The following TRIO variants were observed in gnomAD, a reference collection of about 807,000 sequenced individuals.
TRIO encodes triple functional domain protein.
Under a neutral mutation model 351.9 loss-of-function variants are expected in TRIO, and 58 were observed. That is an observed-to-expected ratio of 0.16 (90% confidence interval 0.13 to 0.21). The LOEUF is 0.21. TRIO is among the 10% of genes least tolerant of loss of function. The probability of loss-of-function intolerance (pLI) is 1.00; values close to 1 mark genes in which losing one functional copy is unlikely to be tolerated. For synonymous variants in TRIO, 1,758 were observed against 1,595.7 expected, an observed-to-expected ratio of 1.10 and a Z score of -2.42; for missense variants, 3,201 against 4,027.8, an observed-to-expected ratio of 0.79 and a Z score of 5.56.
At chr5:14,462,976 G>A (rs1008284970) in intron 36 of TRIO, 51 bp downstream of exon 36, 1 of 1,503,084 alleles carries the variant, frequency 6.7e-7, no homozygotes, top group Non-Finnish European at 8.9e-7. Context: ...CAGGGGCAGG[G>A]CACGCTCGGT....
chr5:14,378,251 C>G, intron 20 of TRIO, 124 bp downstream of exon 20: 1 of 650,464 alleles, frequency 1.5e-6, no homozygotes, highest in Admixed American at 2.8e-5. Context: ...AACAGTATAG[C>G]CTTCTAGTTA....
intron 10 of TRIO, among the ~76,000 whole-genome samples, chr5:14,334,681 G>C (rs1448239173): frequency 2.0e-5 from 3 of 152,226 alleles, no homozygotes; most frequent in African/African-American, 7.2e-5. Flanking sequence ...GCTTCATTCA[G>C]CATGGAGGCC....
At chr5:14,416,372 T>A (rs534985862) in intron 33 of TRIO, among the ~76,000 whole-genome samples, 3 of 151,910 alleles carry the variant, frequency 2.0e-5, no homozygotes, top group Admixed American at 6.6e-5. Context: ...AATGTGAGCA[T>A]TGAGGTGCAT....
At chr5:14,481,774 T>A in intron 45 of TRIO, 156 bp downstream of exon 45, 1 of 228,346 alleles carries the variant, frequency 4.4e-6, no homozygotes, top group Non-Finnish European at 7.2e-6. Context: ...TTATTTCCTT[T>A]TTTTTTTTTT....
At chr5:14,183,788 C>T (rs371162121) in intron 1 of TRIO, 127 of 579,090 alleles carry the variant, frequency 2.2e-4, no homozygotes, top group African/African-American at 2.0e-3. Flanking sequence ...CTGGCTGCTC[C>T]TCACTGCCCA....
In TRIO at chr5:14,359,414, G is replaced by A. The variant is rs760427219; in HGVS notation, c.2274G>A (p.Glu758=). The part of the protein sequence containing the change: ...TPHNSSINHI[E]TVLQQLDEAQ... ...ACAACAGCTCCATCAACCACATTGA[G>A]ACGGTGCTGCAGCAGCTGGACGAGG... The change falls in exon 13 of 57, where the codon GAG becomes GAA. Residue 758 remains glutamate (E), a synonymous_variant. Transcript: ENST00000344204. The A allele has an allele frequency of 4.3e-6, 7 of 1,614,154 alleles. No homozygotes were observed. The East Asian group carries it at 1.3e-4, about 31-fold the overall frequency.
At chr5:14,479,870 C>T (rs1295525996) in intron 42 of TRIO, 49 bp from the exon 43 acceptor site, 3 of 1,551,588 alleles carry the variant, frequency 1.9e-6, no homozygotes, top group East Asian at 4.5e-5. Flanking sequence ...TAAAAAATTG[C>T]CCTTTAATGA....
At chr5:14,273,604 C>T (rs1025698887) in intron 2 of TRIO, among the ~76,000 whole-genome samples, 4 of 152,186 alleles carry the variant, frequency 2.6e-5, no homozygotes, top group Admixed American at 2.6e-4. Flanking sequence ...GATTAAGGCC[C>T]TTATAAAGAG....
chr5:14,502,356 T>G (rs1757356524), intron 53 of TRIO, among the ~76,000 whole-genome samples: 2 of 152,236 alleles, frequency 1.3e-5, no homozygotes, highest in African/African-American at 4.8e-5. Flanking sequence ...ATGAAATCAA[T>G]ATTTGAAAAA....
rs1735954489 is a variant in TRIO, at chr5:14,281,121, C to T, written c.347+685C>T. Among the ~76,000 whole-genome samples, 9 of 152,170 alleles carry T rather than the reference C, an allele frequency of 5.9e-5. 1 individual carries two copies. The highest frequency in any genetic ancestry group is 5.9e-4 in the Admixed American group (9 of 15,282). ...TTTAATTTGTAGATCTAGCTGACAA[C>T]TGGTGGAGGAAATTTCCTCCCTATA... is the stretch of plus-strand genomic sequence containing the variant. On this transcript the variant is annotated intron_variant, in intron 3 of 56. Coordinates refer to ENST00000344204, the MANE Select transcript of TRIO (RefSeq NM_007118.4).
intron 1 of TRIO, among the ~76,000 whole-genome samples, chr5:14,173,000 C>T (rs1226415919): frequency 1.3e-5 from 2 of 152,082 alleles, no homozygotes; most frequent in East Asian, 1.9e-4. Context: ...ACCCACCAGC[C>T]CCTCTGATGG....
chr5:14,263,759 G>T (rs1441386307), intron 1 of TRIO, among the ~76,000 whole-genome samples: 3 of 152,186 alleles, frequency 2.0e-5, no homozygotes. Flanking sequence ...GTGTGTATGG[G>T]TAAGGGGATG....
At chr5:14,244,466 T>A (rs528786775) in intron 1 of TRIO, among the ~76,000 whole-genome samples, 32 of 152,316 alleles carry the variant, frequency 2.1e-4, no homozygotes, top group South Asian at 1.9e-3. Flanking sequence ...GTATGTAGAA[T>A]ACTTAAAAGC....
chr5:14,204,608 G>A (rs1791345320), intron 1 of TRIO, among the ~76,000 whole-genome samples: 1 of 152,154 alleles, frequency 6.6e-6, no homozygotes, highest in Non-Finnish European at 1.5e-5. Flanking sequence ...AGGATTTGAG[G>A]AAGATATTGC....
intron 34 of TRIO, among the ~76,000 whole-genome samples, chr5:14,447,567 T>C (rs1008414117): frequency 1.3e-5 from 2 of 152,246 alleles, no homozygotes; most frequent in Non-Finnish European, 2.9e-5. Flanking sequence ...GAGAGTCTTT[T>C]TGTGCCACCT....
chr5:14,382,607 C>T (rs767955686), intron 21 of TRIO, among the ~76,000 whole-genome samples: 2 of 152,246 alleles, frequency 1.3e-5, no homozygotes, highest in African/African-American at 4.8e-5. Context: ...TAAGGAGGGC[C>T]GCCCCACCCT....
rs1473531448 is a variant in TRIO, at chr5:14,479,269, G to T, written c.6162G>T (p.Arg2054Ser). The T allele has an allele frequency of 1.2e-6, 2 of 1,613,662 alleles. No individual in the cohort carries two copies. Among genetic ancestry groups the T allele is most frequent in the South Asian group, 1.1e-5 (1 of 90,990 alleles). Residue 2054 changes from arginine to serine, a missense_variant, in exon 42 of 57, where the codon AGG becomes AGT. By Grantham distance (110) the Arg-to-Ser change is moderately radical. This residue lies in a region of TRIO where 307 missense variants were observed against 396.5 expected (regional missense o/e 0.77). Coordinates refer to ENST00000344204, the MANE Select transcript of TRIO (RefSeq NM_007118.4). The stretch of plus-strand genomic sequence containing the variant: ...GCCTTTTTTATTCCTAGGAGAGAAG[G>T]TTGCACATGTACATAGCTTATTGTC... ...LGSLFVKHER[R>S]LHMYIAYCQN...
intron 40 of TRIO, 79 bp downstream of exon 40, chr5:14,474,176 A>G: frequency 1.5e-6 from 2 of 1,379,310 alleles, no homozygotes; most frequent in Non-Finnish European, 2.0e-6. Context: ...GCCAAAGGGA[A>G]TTTATTCTGT....
chr5:14,406,470 C>A, intron 32 of TRIO, 103 bp from the exon 33 acceptor site: 1 of 1,057,734 alleles, frequency 9.5e-7, no homozygotes, highest in Non-Finnish European at 1.5e-6. Flanking sequence ...CAGCAGCAGG[C>A]ACTCACGAAG....
Sources: allele counts gnomAD v4.1 joint callset (sites outside exome capture counted in the v4.1 genomes callset), GRCh38; gene constraint gnomAD v4.1.1; regional missense constraint gnomAD v4.1.1; transcripts MANE v1.5; gene names NCBI Gene and HGNC (gene_info 2026-07-23, HGNC 2026-07-21).